Variants in CALU observed in about 807,000 individuals in gnomAD.
CALU encodes the protein IEF SSP 9302.
Under a neutral mutation model 37.5 loss-of-function variants are expected in CALU, and 13 were observed. That is an observed-to-expected ratio of 0.35 (90% CI 0.23 to 0.55). The LOEUF (loss-of-function observed/expected upper bound fraction) is 0.55, where lower values mean the gene tolerates loss of function less well. Among genes scored for constraint, CALU ranks in the 20% least tolerant of loss-of-function variants. The pLI, the probability that CALU is intolerant of heterozygous loss-of-function variation, is 0.89. For missense variants in CALU, 282 were observed against 391.7 expected (o/e 0.72, Z 2.36); for synonymous variants, 114 against 133.8 (o/e 0.85, Z 1.02).
chr7:128,754,119 C>G (rs779330502), intron 2 of CALU, 143 bp from the exon 3 acceptor site: 10 of 631,194 alleles, frequency 1.6e-5, no homozygotes, highest in Non-Finnish European at 2.4e-5. Context: ...AGTAATGGAC[C>G]ATTTTTTTCA....
chr7:128,749,445 T>G (rs1800573693), intron 2 of CALU, among the ~76,000 whole-genome samples: 2 of 152,238 alleles, frequency 1.3e-5, no homozygotes. Context: ...AGAATCCCAG[T>G]TGATTATTTC....
At chr7:128,761,886 A>T (rs1028681031) in intron 5 of CALU, among the ~76,000 whole-genome samples, 5 of 152,124 alleles carry the variant, frequency 3.3e-5, no homozygotes, top group African/African-American at 1.2e-4. Flanking sequence ...CTTTACTTAG[A>T]TGTTGTCTTA....
At position 128,763,240 on chromosome 7, in the gene CALU, T is replaced by C. The variant is rs1479703405; in HGVS notation, c.643+3388T>C. 5.9e-5 allele frequency among the ~76,000 whole-genome samples: 9 copies of C among 152,230 alleles called. No homozygotes were observed. The East Asian group carries it at 1.3e-3, about 23-fold the overall frequency. On this transcript the variant is annotated intron_variant, in intron 5 of 6. Transcript: ENST00000249364. ...TCAAATAGACTGAGTCTTTTAAAAA[T>C]AGAAATTCGGCCGAGCATGGTGGCT...
intron 1 of CALU, among the ~76,000 whole-genome samples, chr7:128,744,230 A>T (rs1191165034): frequency 6.6e-6 from 1 of 152,090 alleles, no homozygotes; most frequent in African/African-American, 2.4e-5. Context: ...AAGTGCACTA[A>T]AGTAGATTTT....
chr7:128,754,605 G>A (rs371458036), intron 3 of CALU, 150 bp downstream of exon 3: 14 of 1,551,438 alleles, frequency 9.0e-6, no homozygotes, highest in African/African-American at 4.1e-5. Flanking sequence ...GATTAAGCAC[G>A]CCCAGAAGAA....
intron 2 of CALU, among the ~76,000 whole-genome samples, chr7:128,749,673 G>T (rs1800583898): frequency 6.6e-6 from 1 of 152,112 alleles, no homozygotes; most frequent in Non-Finnish European, 1.5e-5. Context: ...GACGTTGTAG[G>T]ATTTGCTTTG....
At chr7:128,752,759 A>T (rs757682095) in intron 2 of CALU, among the ~76,000 whole-genome samples, 1 of 152,114 alleles carries the variant, frequency 6.6e-6, no homozygotes, top group Non-Finnish European at 1.5e-5. Context: ...ATCTCAACTC[A>T]TTGCAACCGC....
At chr7:128,750,669 T>C (rs1800636659) in intron 2 of CALU, among the ~76,000 whole-genome samples, 1 of 152,200 alleles carries the variant, frequency 6.6e-6, no homozygotes, top group South Asian at 2.1e-4. Context: ...ATGAAACTTT[T>C]AAAAAACTTA....
rs777678590 is a variant in CALU at position 128,754,280 on chromosome 7, A to T, written c.240A>T (p.Ile80=). The T allele has an allele frequency of 3.7e-6, 6 of 1,606,952 alleles. No individual in the cohort carries two copies. In the South Asian group the frequency reaches 6.7e-5, roughly 18 times the overall value. ...TCTACAGAAAGATTGTAAGTAAAAT[A>T]GATGGCGACAAGGACGGGTTTGTCA... ...KERLGKIVSK[I]DGDKDGFVTV... Residue 80 remains isoleucine, a synonymous_variant, in exon 3 of 7, where the codon ATA becomes ATT. Transcript: ENST00000249364.
rs1461352892 is a variant in CALU at position 128,770,655 on chromosome 7, A to G, written c.*1488A>G. 6.6e-6 allele frequency: 1 copy of G among 152,372 alleles called. No individual in the cohort carries two copies. Among genetic ancestry groups the G allele is most frequent in the African/African-American group, 2.4e-5 (1 of 41,416 alleles). The allele number at this position is 152,372 out of a possible 1,614,324, so 9.4% of individuals were successfully genotyped here. Reference sequence around the variant, plus strand: ...ATCAAAGAGAGATGTGGAAAGAGCTAAAGAAACCACCCTTTGTTCCCAACT... The same window carrying G: ...ATCAAAGAGAGATGTGGAAAGAGCTGAAGAAACCACCCTTTGTTCCCAACT... On this transcript the variant is annotated 3_prime_UTR_variant, in exon 7 of 7. Transcript: ENST00000249364.
intron 2 of CALU, among the ~76,000 whole-genome samples, chr7:128,753,105 C>T (rs1198246148): frequency 2.0e-5 from 3 of 152,226 alleles, no homozygotes; most frequent in African/African-American, 4.8e-5. Flanking sequence ...GTATCTAACA[C>T]CTGATCTGTA....
intron 1 of CALU, chr7:128,748,097 A>G: frequency 2.9e-6 from 1 of 346,476 alleles, no homozygotes; most frequent in Non-Finnish European, 5.2e-6. Context: ...GAATGTCTGA[A>G]TTCAGCTTCA....
At chr7:128,756,595 T>C (rs755365850) in intron 3 of CALU, among the ~76,000 whole-genome samples, 6 of 152,252 alleles carry the variant, frequency 3.9e-5, no homozygotes, top group Non-Finnish European at 7.4e-5. Context: ...CCGCTATCCA[T>C]GAGAGAAAGG....
chr7:128,767,362 A>C, intron 5 of CALU, 94 bp from the exon 6 acceptor site: 7 of 964,914 alleles, frequency 7.3e-6, no homozygotes, highest in Non-Finnish European at 1.2e-5. Flanking sequence ...GGTTCCAAAC[A>C]AATGGATGAG....
chr7:128,759,436 G>A (rs542216645), intron 4 of CALU, among the ~76,000 whole-genome samples: 9 of 152,290 alleles, frequency 5.9e-5, no homozygotes, highest in South Asian at 2.1e-4. Context: ...ACTATCTATA[G>A]CTAAACACAT....
chr7:128,756,446 G>T (rs573793667), intron 3 of CALU, among the ~76,000 whole-genome samples: 26 of 152,316 alleles, frequency 1.7e-4, no homozygotes, highest in African/African-American at 5.3e-4. Flanking sequence ...TTCCCCAGAG[G>T]CATGAGGGTG....
At chr7:128,754,622 A>G (rs1479252774) in intron 3 of CALU, 167 bp downstream of exon 3, 16 of 1,551,958 alleles carry the variant, frequency 1.0e-5, no homozygotes, top group Non-Finnish European at 1.3e-5. Flanking sequence ...AGAAATACAT[A>G]TATGACAATG....
chr7:128,740,242 C>G (rs1394226327), intron 1 of CALU, among the ~76,000 whole-genome samples: 3 of 152,164 alleles, frequency 2.0e-5, no homozygotes, highest in Admixed American at 2.0e-4. Flanking sequence ...CCGTGGGTCT[C>G]CTGCTAAAAC....
intron 3 of CALU, among the ~76,000 whole-genome samples, chr7:128,755,113 T>C (rs1211999538): frequency 2.7e-5 from 4 of 146,426 alleles, no homozygotes; most frequent in African/African-American, 1.0e-4. Flanking sequence ...GAGACCAATC[T>C]GGGCAACATA....
Sources: allele counts gnomAD v4.1 joint callset (sites outside exome capture counted in the v4.1 genomes callset), GRCh38; gene constraint gnomAD v4.1.1; transcripts MANE v1.5; gene names NCBI Gene and HGNC (gene_info 2026-07-23, HGNC 2026-07-21).